The following CXCL13 variants were observed in gnomAD, a reference collection of about 807,000 sequenced individuals.
CXCL13 encodes C-X-C motif chemokine ligand 13.
In CXCL13, 7 loss-of-function variants were observed where a neutral mutation model predicts 12.2. The ratio of observed to expected loss-of-function variants is 0.57; its 90% CI spans 0.33 to 1.07. The LOEUF (loss-of-function observed/expected upper bound fraction) is 1.07. CXCL13 is among the 50% of genes least tolerant of loss of function. The probability of loss-of-function intolerance (pLI) is 0.04; values close to 1 mark genes in which losing one functional copy is unlikely to be tolerated. For synonymous variants in CXCL13, 47 were observed against 42.4 expected (o/e 1.11, Z -0.42); for missense variants, 113 against 127.4 (o/e 0.89, Z 0.55).
chr4:77,563,048 C>T (rs1366087799), intron 1 of CXCL13, among the ~76,000 whole-genome samples: 2 of 152,100 alleles, frequency 1.3e-5, no homozygotes, highest in Non-Finnish European at 2.9e-5. Context: ...TGGGTCCGCA[C>T]TGCCTTTATG....
At chr4:77,571,160 C>G (rs1726069146) in intron 1 of CXCL13, among the ~76,000 whole-genome samples, 1 of 152,000 alleles carries the variant, frequency 6.6e-6, no homozygotes, top group South Asian at 2.1e-4. Context: ...GTCTTTATAT[C>G]TAGCTCAGGG....
At chr4:77,551,035 T>A (rs749725933) in intron 1 of CXCL13, among the ~76,000 whole-genome samples, 10 of 152,220 alleles carry the variant, frequency 6.6e-5, no homozygotes, top group Non-Finnish European at 1.3e-4. Context: ...GTGAGATAGA[T>A]CTCTTGAAGA....
At chr4:77,538,599 A>T (rs560030100) in intron 1 of CXCL13, among the ~76,000 whole-genome samples, 2 of 152,276 alleles carry the variant, frequency 1.3e-5, no homozygotes, top group South Asian at 4.1e-4. Flanking sequence ...CTTTAGAGGT[A>T]GAAGAGGGTA....
At chr4:77,567,591 C>T (rs575343333) in intron 1 of CXCL13, among the ~76,000 whole-genome samples, 4 of 152,108 alleles carry the variant, frequency 2.6e-5, no homozygotes, top group Non-Finnish European at 5.9e-5. Context: ...TCAGAAAGAA[C>T]CCTCTGATAA....
chr4:77,550,265 G>A (rs1376249587), intron 1 of CXCL13, among the ~76,000 whole-genome samples: 1 of 152,188 alleles, frequency 6.6e-6, no homozygotes, highest in Admixed American at 6.5e-5. Context: ...TCCTTGGCTA[G>A]GAAAGGGAAT....
Position 77,606,111 on chromosome 4 carries a change from T to G in CXCL13, c.64+182T>G, listed in dbSNP as rs147957768. Among the ~76,000 whole-genome samples the G allele has an allele frequency of 1.3e-3, 191 of 152,356 alleles. 2 individuals are homozygous for G. Among genetic ancestry groups the G allele is most frequent in the African/African-American group, 4.5e-3 (186 of 41,568 alleles). On this transcript the variant is annotated intron_variant, in intron 1 of 3. Coordinates refer to ENST00000682537, the MANE Select transcript of CXCL13 (RefSeq NM_001371558.1). ...TTAACTCTTCAAAACTGGAAGTATT[T>G]ATATTGTTAAGATTTTTATTTATAG...
intron 1 of CXCL13, among the ~76,000 whole-genome samples, chr4:77,594,328 G>A (rs960318417): frequency 6.6e-6 from 1 of 152,074 alleles, no homozygotes; most frequent in Non-Finnish European, 1.5e-5. Context: ...AGTACCTCAA[G>A]CCCAGGGCAA....
intron 1 of CXCL13, among the ~76,000 whole-genome samples, chr4:77,514,684 T>A (rs1403271169): frequency 6.6e-6 from 1 of 151,836 alleles, no homozygotes. Flanking sequence ...TTGTTTGAGT[T>A]CATTGTAGAT....
intron 1 of CXCL13, among the ~76,000 whole-genome samples, chr4:77,521,783 G>A (rs1299624629): frequency 1.3e-5 from 2 of 151,878 alleles, no homozygotes; most frequent in African/African-American, 4.8e-5. Flanking sequence ...TGCTTCTCTA[G>A]TTTTTTTAAT....
At chr4:77,537,935 G>A (rs914870170) in intron 1 of CXCL13, among the ~76,000 whole-genome samples, 1 of 152,120 alleles carries the variant, frequency 6.6e-6, no homozygotes, top group Non-Finnish European at 1.5e-5. Context: ...TCAGAAAAGG[G>A]TATCTTTCTT....
At chr4:77,571,537 G>T (rs1578059414) in intron 1 of CXCL13, among the ~76,000 whole-genome samples, 1 of 151,772 alleles carries the variant, frequency 6.6e-6, no homozygotes, top group Non-Finnish European at 1.5e-5. Context: ...GCTCTGGTGG[G>T]GCCTTGGAGA....
chr4:77,540,604 T>A (rs1725174635), intron 1 of CXCL13, among the ~76,000 whole-genome samples: 1 of 152,184 alleles, frequency 6.6e-6, no homozygotes, highest in African/African-American at 2.4e-5. Flanking sequence ...CACAATGTCT[T>A]TCTTTTTATG....
intron 1 of CXCL13, among the ~76,000 whole-genome samples, chr4:77,575,509 A>G (rs1560530663): frequency 6.6e-6 from 1 of 151,278 alleles, no homozygotes; most frequent in Non-Finnish European, 1.5e-5. Flanking sequence ...ATGTGTTCTC[A>G]TTGTTCAACT....
intron 2 of CXCL13, among the ~76,000 whole-genome samples, chr4:77,610,210 G>A (rs1305713573): frequency 6.6e-6 from 1 of 152,108 alleles, no homozygotes; most frequent in East Asian, 1.9e-4. Flanking sequence ...TCTCAAGAGA[G>A]TGTTTTCTAC....
At chr4:77,528,277 C>T (rs992949185) in intron 1 of CXCL13, among the ~76,000 whole-genome samples, 1 of 152,048 alleles carries the variant, frequency 6.6e-6, no homozygotes, top group African/African-American at 2.4e-5. Flanking sequence ...GATTTATAAC[C>T]CTTGGGTATA....
rs1032271197 is a variant in CXCL13, at chr4:77,611,423, T to C, written c.*384T>C. 1.6e-5 allele frequency: 6 copies of C among 376,214 alleles called. No homozygotes were observed. The highest frequency in any genetic ancestry group is 2.3e-5 in the Non-Finnish European group (5 of 213,420). 23.3% of individuals were successfully genotyped at this position (376,214 alleles called of 1,614,324 possible). Reference sequence around the variant, plus strand: ...TTGAATTAAGAAGAAAATTATGGCATATATTAAAAGCAGGCTTCTATGAAA... The same window carrying C: ...TTGAATTAAGAAGAAAATTATGGCACATATTAAAAGCAGGCTTCTATGAAA... On this transcript the variant is annotated 3_prime_UTR_variant, in exon 4 of 4. Coordinates refer to ENST00000682537, the MANE Select transcript of CXCL13 (RefSeq NM_001371558.1).
intron 1 of CXCL13, among the ~76,000 whole-genome samples, chr4:77,521,290 G>A (rs181699095): frequency 3.3e-5 from 5 of 152,304 alleles, no homozygotes; most frequent in Non-Finnish European, 4.4e-5. Context: ...CAGAAGGAAT[G>A]GTACCAGCTC....
At chr4:77,537,446 G>A (rs1313888008) in intron 1 of CXCL13, among the ~76,000 whole-genome samples, 1 of 152,194 alleles carries the variant, frequency 6.6e-6, no homozygotes, top group Non-Finnish European at 1.5e-5. Context: ...AGAAGCCAGA[G>A]AGAACAAAAG....
At position 77,528,605 on chromosome 4, in the gene CXCL13, G is replaced by A. The variant is rs182720373; in HGVS notation, c.-43+16817G>A. Among the ~76,000 whole-genome samples the A allele has an allele frequency of 2.0e-3, 304 of 152,168 alleles. 1 individual carries two copies. The highest frequency in any genetic ancestry group is 6.6e-3 in the African/African-American group (274 of 41,508). ...TGAGAAGTGTCTGTTCACATCCTTC[G>A]CCCACTTTTTGATGGGCCTGTTTGT... is the stretch of plus-strand genomic sequence containing the variant. On this transcript the variant is annotated intron_variant, in intron 1 of 4. Transcript: ENST00000286758.
Sources: gnomAD v4.1 joint callset for allele counts (sites outside exome capture counted in the v4.1 genomes callset) on GRCh38, gnomAD v4.1.1 for gene constraint, MANE v1.5 for transcripts, NCBI Gene and HGNC (gene_info 2026-07-23, HGNC 2026-07-21) for gene names.